Variants in GMDS observed in about 807,000 individuals in gnomAD.
The protein encoded by GMDS is GDP-mannose 4,6-dehydratase, also known as GDP-mannose 4,6 dehydratase.
In GMDS, 20 loss-of-function variants were observed where a neutral mutation model predicts 49.9. The observed-to-expected ratio is 0.40, with a 90% CI of 0.28 to 0.58. The LOEUF is 0.58. Among genes scored for constraint, GMDS ranks in the 20% least tolerant of loss-of-function variants. The pLI is 0.42. For missense variants in GMDS, 362 were observed against 481.4 expected, an observed-to-expected ratio of 0.75 and a Z score of 2.32; for synonymous variants, 177 against 178.6, an observed-to-expected ratio of 0.99 and a Z score of 0.07.
chr6:1,853,517 C>CAA (rs34773610), intron 7 of GMDS, among the ~76,000 whole-genome samples: 741 of 69,366 alleles, frequency 0.011, 12 homozygotes, highest in African/African-American at 0.025. Context: ...GACTCCGTCT[C>CAA]AAAAAAAAAA....
At position 1,878,502 on chromosome 6, in the gene GMDS, A is replaced by C. The variant is rs950822385; in HGVS notation, c.771+51601T>G. On this transcript the variant is annotated intron_variant, in intron 7 of 10. Transcript: ENST00000380815. ...ACGGATGTGCCCAAAGTGTACAGAC[A>C]CAGACATGTGACATCACAGACATGC... is the stretch of plus-strand genomic sequence containing the variant. Among the ~76,000 whole-genome samples, 8 of 152,240 alleles carry C rather than the reference A, an allele frequency of 5.3e-5. No individual in the cohort carries two copies. In the East Asian group the frequency reaches 1.5e-3, roughly 29 times the overall value.
At chr6:2,144,116 T>C (rs1215088258) in intron 1 of GMDS, among the ~76,000 whole-genome samples, 1 of 152,196 alleles carries the variant, frequency 6.6e-6, no homozygotes, top group Non-Finnish European at 1.5e-5. Context: ...AACAACCCTT[T>C]AGGGAGGGTC....
intron 1 of GMDS, among the ~76,000 whole-genome samples, chr6:2,162,576 C>T (rs1417695697): frequency 6.6e-6 from 1 of 151,818 alleles, no homozygotes; most frequent in Non-Finnish European, 1.5e-5. Context: ...AAACTTCATA[C>T]TTAAAACAGT....
intron 9 of GMDS, among the ~76,000 whole-genome samples, chr6:1,708,475 T>C (rs1420918846): frequency 2.0e-5 from 3 of 152,236 alleles, no homozygotes; most frequent in African/African-American, 7.2e-5. Flanking sequence ...AAGTCTGAAC[T>C]GCCCGGGGCT....
Position 2,085,850 on chromosome 6 carries a change from A to C in GMDS, c.345+29921T>G, listed in dbSNP as rs138594828. ...CCAACCATGAAATGTAGACATTACT[A>C]AAGTCAGGCATACCTGAACTCTCTA... On this transcript the variant is annotated intron_variant, in intron 4 of 10. Coordinates refer to ENST00000380815, the MANE Select transcript of GMDS (RefSeq NM_001500.4). Among the ~76,000 whole-genome samples, 723 of 152,280 alleles carry C rather than the reference A, an allele frequency of 4.7e-3. 1 individual carries two copies. The highest frequency in any genetic ancestry group is 9.1e-3 in the South Asian group (44 of 4,818).
At chr6:1,919,658 T>C (rs1053942656) in intron 7 of GMDS, among the ~76,000 whole-genome samples, 7 of 152,232 alleles carry the variant, frequency 4.6e-5, no homozygotes, top group African/African-American at 1.7e-4. Flanking sequence ...CTCTGGAAAT[T>C]TGATCCCAAG....
At chr6:2,141,906 C>A (rs1776316176) in intron 1 of GMDS, among the ~76,000 whole-genome samples, 1 of 151,466 alleles carries the variant, frequency 6.6e-6, no homozygotes, top group Non-Finnish European at 1.5e-5. Flanking sequence ...TTTCTTCTCC[C>A]CCACAACACT....
intron 9 of GMDS, among the ~76,000 whole-genome samples, chr6:1,684,577 A>C (rs1257689685): frequency 6.6e-6 from 1 of 152,160 alleles, no homozygotes; most frequent in Non-Finnish European, 1.5e-5. Context: ...CAGGTAAAGG[A>C]AGGCCAGCAC....
chr6:1,986,645 G>A (rs1765565391), intron 4 of GMDS, among the ~76,000 whole-genome samples: 1 of 152,166 alleles, frequency 6.6e-6, no homozygotes, highest in South Asian at 2.1e-4. Context: ...AAGGAGGGCT[G>A]TAGGAGTGAT....
chr6:1,819,966 G>A (rs979801443), intron 7 of GMDS, among the ~76,000 whole-genome samples: 4 of 151,576 alleles, frequency 2.6e-5, no homozygotes, highest in African/African-American at 7.3e-5. Context: ...CATTAATTTT[G>A]AGTGTTTATC....
intron 1 of GMDS, among the ~76,000 whole-genome samples, chr6:2,212,727 AAAC>A (rs895859136): frequency 6.8e-6 from 1 of 147,192 alleles, no homozygotes; most frequent in Non-Finnish European, 1.5e-5. Flanking sequence ...AAAAAAAAAA[AAAC>A]TAAATTAGAA....
chr6:1,728,195 C>T (rs182775967), intron 8 of GMDS, among the ~76,000 whole-genome samples: 18 of 152,198 alleles, frequency 1.2e-4, no homozygotes, highest in Admixed American at 1.2e-3. Flanking sequence ...CTAATATCCA[C>T]AGGAAGGGAG....
chr6:2,118,424 G>A (rs1774966376), intron 2 of GMDS, among the ~76,000 whole-genome samples: 1 of 152,162 alleles, frequency 6.6e-6, no homozygotes, highest in African/African-American at 2.4e-5. Flanking sequence ...TTTTAGAAGT[G>A]TTCCTTCTTA....
At chr6:1,907,000 G>A (rs1760810179) in intron 7 of GMDS, among the ~76,000 whole-genome samples, 1 of 152,162 alleles carries the variant, frequency 6.6e-6, no homozygotes, top group East Asian at 1.9e-4. Context: ...AGACCATGGA[G>A]GGTGAGAACT....
intron 4 of GMDS, among the ~76,000 whole-genome samples, chr6:2,075,595 T>A (rs1006287066): frequency 3.9e-5 from 6 of 152,232 alleles, no homozygotes; most frequent in Non-Finnish European, 7.3e-5. Flanking sequence ...CTCATCATTT[T>A]TTATGGCTAC....
intron 7 of GMDS, among the ~76,000 whole-genome samples, chr6:1,808,856 A>G (rs1770288650): frequency 6.6e-6 from 1 of 152,150 alleles, no homozygotes; most frequent in Admixed American, 6.5e-5. Flanking sequence ...TTTAAAAAAA[A>G]TCCTAAGCTT....
At chr6:2,194,728 C>T (rs1251853537) in intron 1 of GMDS, among the ~76,000 whole-genome samples, 3 of 152,232 alleles carry the variant, frequency 2.0e-5, no homozygotes, top group African/African-American at 7.2e-5. Flanking sequence ...ACACGTGTCA[C>T]ACACAGTAAA....
At chr6:1,761,559 T>C in intron 7 of GMDS, among the ~76,000 whole-genome samples, 1 of 152,226 alleles carries the variant, frequency 6.6e-6, no homozygotes, top group Non-Finnish European at 1.5e-5. Context: ...GGAGCAAGCT[T>C]TTCTGTTAAT....
At chr6:2,011,785 G>A (rs1055684695) in intron 4 of GMDS, among the ~76,000 whole-genome samples, 1 of 152,182 alleles carries the variant, frequency 6.6e-6, no homozygotes, top group African/African-American at 2.4e-5. Flanking sequence ...AGCTAAGCGT[G>A]GTCGCGCATT....
Sources: gnomAD v4.1 joint callset for allele counts (sites outside exome capture counted in the v4.1 genomes callset) on GRCh38, gnomAD v4.1.1 for gene constraint, MANE v1.5 for transcripts, NCBI Gene and HGNC (gene_info 2026-07-23, HGNC 2026-07-21) for gene names.